Variants in ARHGAP17 observed in about 807,000 individuals in gnomAD.
The protein encoded by ARHGAP17 is rho GTPase-activating protein 17.
In ARHGAP17, 57 loss-of-function variants were observed where a neutral mutation model predicts 99.5. The observed-to-expected ratio is 0.57, with a 90% CI of 0.46 to 0.71. The LOEUF is 0.71. ARHGAP17 is among the 30% of genes least tolerant of loss of function. The pLI, the probability that ARHGAP17 is intolerant of heterozygous loss-of-function variation, is 0.00. For synonymous variants in ARHGAP17, 417 were observed against 429.6 expected, an observed-to-expected ratio of 0.97 and a Z score of 0.36; for missense variants, 1,000 against 1,122.4, an observed-to-expected ratio of 0.89 and a Z score of 1.56.
chr16:24,929,402 A>C (rs771319378), intron 19 of ARHGAP17, among the ~76,000 whole-genome samples: 21 of 152,194 alleles, frequency 1.4e-4, no homozygotes, highest in Non-Finnish European at 2.8e-4. Context: ...TACTCCTCGA[A>C]TTTGAAGCAC....
At chr16:24,952,548 G>C (rs1399654548) in intron 11 of ARHGAP17, among the ~76,000 whole-genome samples, 178 bp from the exon 12 acceptor site, 1 of 147,870 alleles carries the variant, frequency 6.8e-6, no homozygotes, top group East Asian at 2.0e-4. Context: ...TTCAATCTCT[G>C]AAAAAAAAAA....
At chr16:24,986,785 G>C (rs1273754986) in intron 1 of ARHGAP17, among the ~76,000 whole-genome samples, 3 of 152,220 alleles carry the variant, frequency 2.0e-5, no homozygotes, top group Non-Finnish European at 4.4e-5. Flanking sequence ...ATCACTTTGA[G>C]GATGGGTGAG....
At chr16:24,943,994 C>T (rs543089840) in intron 14 of ARHGAP17, 132 bp from the exon 15 acceptor site, 15 of 844,020 alleles carry the variant, frequency 1.8e-5, no homozygotes, top group East Asian at 1.7e-4. Flanking sequence ...AATCACTGGC[C>T]GGGTGTGGTG....
intron 6 of ARHGAP17, among the ~76,000 whole-genome samples, 163 bp downstream of exon 6, chr16:24,968,188 C>T (rs1567237584): frequency 6.6e-6 from 1 of 152,234 alleles, no homozygotes; most frequent in Non-Finnish European, 1.5e-5. Context: ...CCCACTGCCA[C>T]GCTTGGGAGA....
chr16:24,919,782 A>C lies in ARHGAP17; in HGVS notation c.*348T>G, dbSNP rs1315238856. 2 of 179,286 alleles carry C rather than the reference A, an allele frequency of 1.1e-5. No homozygotes were observed. The highest frequency in any genetic ancestry group is 4.7e-5 in the African/African-American group (2 of 42,522). 11.1% of individuals were successfully genotyped at this position (179,286 alleles called of 1,614,324 possible). A position where few individuals can be genotyped will look rare whatever the true frequency, so the allele number is the denominator to read the frequency against. Reference sequence around the variant, plus strand: ...TAACGCACTGCTTCTTACTCATTCCAAGTTGCTGTAGGTGCTGCCCGCATT... The same window carrying C: ...TAACGCACTGCTTCTTACTCATTCCCAGTTGCTGTAGGTGCTGCCCGCATT... On this transcript the variant is annotated 3_prime_UTR_variant, in exon 20 of 20. Coordinates refer to ENST00000289968, the MANE Select transcript of ARHGAP17 (RefSeq NM_001006634.3).
At position 25,001,699 on chromosome 16, in the gene ARHGAP17, C is replaced by T. The variant is rs1489135401; in HGVS notation, c.53+13510G>A. On this transcript the variant is annotated intron_variant, in intron 1 of 19. Transcript: ENST00000289968. ...CTTTCCAAAGTGCTGGGATTACAGG[C>T]GTGAGCCACAAACCCAGCCTGAAAA... Among the ~76,000 whole-genome samples, 7 of 152,206 alleles carry T rather than the reference C, an allele frequency of 4.6e-5. No individual in the cohort carries two copies. In the East Asian group the frequency reaches 1.4e-3, roughly 29 times the overall value.
intron 16 of ARHGAP17, 87 bp downstream of exon 16, chr16:24,941,900 A>C: frequency 6.3e-7 from 1 of 1,593,110 alleles, no homozygotes; most frequent in Non-Finnish European, 8.6e-7. Context: ...GACCACTCTC[A>C]AATCCCAAGT....
rs186088782 is a variant in ARHGAP17 at position 24,978,452 on chromosome 16, C to T, written c.93+514G>A. Among the ~76,000 whole-genome samples the T allele has an allele frequency of 2.6e-5, 4 of 152,304 alleles. No homozygotes were observed. The South Asian group carries it at 6.2e-4, about 24-fold the overall frequency. On this transcript the variant is annotated intron_variant, in intron 2 of 19. Transcript: ENST00000289968. ...TGCACAGCCCCCTGGGGAAATGCCA[C>T]ACAACTGCTCTAACAGAGACTGAAA... is the stretch of plus-strand genomic sequence containing the variant.
At chr16:24,982,783 G>T (rs1204978162) in intron 1 of ARHGAP17, among the ~76,000 whole-genome samples, 1 of 151,194 alleles carries the variant, frequency 6.6e-6, no homozygotes, top group Non-Finnish European at 1.5e-5. Flanking sequence ...CCATTCAATA[G>T]GCCATGTACG....
chr16:24,926,117 A>AAAG (rs1555540779), intron 19 of ARHGAP17, among the ~76,000 whole-genome samples: 25 of 145,806 alleles, frequency 1.7e-4, no homozygotes, highest in Middle Eastern at 3.5e-3. Flanking sequence ...CTGAAAAAAA[A>AAAG]AAAAGAAAAG....
Position 24,923,492 on chromosome 16 carries a change from T to C in ARHGAP17, c.2516-3232A>G, listed in dbSNP as rs549283871. Among the ~76,000 whole-genome samples the C allele has an allele frequency of 2.9e-4, 44 of 151,568 alleles. 1 individual carries two copies. The highest frequency in any genetic ancestry group is 1.1e-3 in the African/African-American group (44 of 41,350). Reference sequence around the variant, plus strand: ...TTAAAAAAACAAAATAGGCTGGGCGTGGTGGGATGATGGTGTGAGCCCAGA... The same window carrying C: ...TTAAAAAAACAAAATAGGCTGGGCGCGGTGGGATGATGGTGTGAGCCCAGA... On this transcript the variant is annotated intron_variant, in intron 19 of 19. Transcript: ENST00000289968.
chr16:24,987,925 A>G (rs1459512612), intron 1 of ARHGAP17, among the ~76,000 whole-genome samples: 1 of 152,242 alleles, frequency 6.6e-6, no homozygotes, highest in Non-Finnish European at 1.5e-5. Context: ...TATTGTATGT[A>G]GGGTAACAAC....
chr16:25,009,209 A>T (rs1442701625), intron 1 of ARHGAP17, among the ~76,000 whole-genome samples: 5 of 152,170 alleles, frequency 3.3e-5, no homozygotes, highest in Non-Finnish European at 7.4e-5. Context: ...CTACTAAAAA[A>T]TACAAAAATT....
At chr16:24,959,623 G>A in intron 9 of ARHGAP17, 48 bp downstream of exon 9, 7 of 1,577,986 alleles carry the variant, frequency 4.4e-6, no homozygotes, top group Non-Finnish European at 6.1e-6. Context: ...CCCAGGCAGA[G>A]GTGGCAGAGG....
At chr16:24,959,412 T>C (rs891122) in intron 9 of ARHGAP17, among the ~76,000 whole-genome samples, 59,315 of 152,060 alleles carry the variant, frequency 0.39, 12,469 homozygotes, top group African/African-American at 0.55. Flanking sequence ...AACACACAGG[T>C]ACTCCCCAAA....
At chr16:24,923,918 A>G (rs2050778943) in intron 19 of ARHGAP17, among the ~76,000 whole-genome samples, 1 of 152,110 alleles carries the variant, frequency 6.6e-6, no homozygotes, top group South Asian at 2.1e-4. Flanking sequence ...GTGGAATGTT[A>G]TCACTGAGGG....
At chr16:24,998,321 T>C (rs1433869913) in intron 1 of ARHGAP17, among the ~76,000 whole-genome samples, 7 of 151,042 alleles carry the variant, frequency 4.6e-5, no homozygotes, top group Non-Finnish European at 8.9e-5. Context: ...AGGCAGCAGA[T>C]GGAGGGAGGT....
chr16:24,957,970 G>A (rs1197138264), intron 9 of ARHGAP17, among the ~76,000 whole-genome samples: 2 of 152,220 alleles, frequency 1.3e-5, no homozygotes, highest in East Asian at 3.9e-4. Flanking sequence ...AAGACAGCAA[G>A]GAAAGAAAAG....
intron 10 of ARHGAP17, among the ~76,000 whole-genome samples, chr16:24,954,316 A>G (rs769694373): frequency 6.6e-6 from 1 of 152,246 alleles, no homozygotes; most frequent in South Asian, 2.1e-4. Context: ...AAATGAAACA[A>G]TCAAACAGGA....
Sources: gnomAD v4.1 joint callset for allele counts (sites outside exome capture counted in the v4.1 genomes callset) on GRCh38, gnomAD v4.1.1 for gene constraint, MANE v1.5 for transcripts, NCBI Gene and HGNC (gene_info 2026-07-23, HGNC 2026-07-21) for gene names.